Variants in PADI4 observed in about 807,000 individuals in gnomAD.
The protein encoded by PADI4 is peptidyl arginine deiminase 4.
A neutral mutation model predicts 75.0 loss-of-function variants in PADI4; 62 were observed. That is an observed-to-expected ratio of 0.83 (90% CI 0.67 to 1.02). The LOEUF is 1.02. Among genes scored for constraint, PADI4 ranks in the 50% least tolerant of loss-of-function variants. PADI4 has a pLI of 0.00. For missense variants in PADI4, 845 were observed against 850.5 expected (o/e 0.99, Z 0.08); for synonymous variants, 361 against 348.1 (o/e 1.04, Z -0.41).
chr1:17,348,236 G>A (rs2100209716), intron 10 of PADI4, 188 bp downstream of exon 10: 1 of 485,280 alleles, frequency 2.1e-6, no homozygotes, highest in South Asian at 3.3e-5. Flanking sequence ...ATAAGATCTG[G>A]CTCTTCATTT....
intron 10 of PADI4, among the ~76,000 whole-genome samples, chr1:17,349,795 A>G (rs1412109000): frequency 7.9e-6 from 1 of 127,044 alleles, no homozygotes; most frequent in African/African-American, 2.5e-5. Context: ...AGTCACACTC[A>G]GCACCAGGCT....
intron 4 of PADI4, among the ~76,000 whole-genome samples, chr1:17,337,194 C>A (rs1184674328): frequency 6.6e-6 from 1 of 152,074 alleles, no homozygotes; most frequent in Admixed American, 6.6e-5. Flanking sequence ...TGCTCTGTCT[C>A]CCAGGCTGGA....
intron 3 of PADI4, 134 bp downstream of exon 3, chr1:17,334,143 C>A (rs780898358): frequency 2.6e-5 from 17 of 647,390 alleles, no homozygotes; most frequent in Non-Finnish European, 4.8e-5. Context: ...TGGTTTCTAG[C>A]CAGTCAGACA....
chr1:17,355,440 T>A (rs2074743526), intron 11 of PADI4, among the ~76,000 whole-genome samples: 1 of 151,820 alleles, frequency 6.6e-6, no homozygotes, highest in African/African-American at 2.4e-5. Flanking sequence ...TCCCAGCTAC[T>A]CGGGAGGCCG....
chr1:17,326,930 T>G (rs1202942919), intron 1 of PADI4, among the ~76,000 whole-genome samples: 1 of 135,636 alleles, frequency 7.4e-6, no homozygotes, highest in Admixed American at 8.1e-5. Context: ...TGAGACACAG[T>G]CTCACCCTCT....
chr1:17,333,619 G>A (rs112045367), intron 2 of PADI4, among the ~76,000 whole-genome samples: 9 of 151,568 alleles, frequency 5.9e-5, no homozygotes, highest in South Asian at 4.2e-4. Context: ...TCTCTCTAGC[G>A]CCTCTTCTGC....
At chr1:17,347,728 A>C (rs886329208) in intron 9 of PADI4, among the ~76,000 whole-genome samples, 18 of 151,972 alleles carry the variant, frequency 1.2e-4, no homozygotes, top group Non-Finnish European at 1.8e-4. Context: ...AGGGAAGGGC[A>C]CTCCTGCAGG....
chr1:17,310,582 G>A (rs2073805002), intron 1 of PADI4, among the ~76,000 whole-genome samples: 1 of 152,020 alleles, frequency 6.6e-6, no homozygotes, highest in Admixed American at 6.6e-5. Flanking sequence ...CCAAGATTGG[G>A]CTAGTGCACT....
At chr1:17,358,108 C>T (rs932624649) in intron 13 of PADI4, among the ~76,000 whole-genome samples, 3 of 151,164 alleles carry the variant, frequency 2.0e-5, no homozygotes, top group Non-Finnish European at 2.9e-5. Flanking sequence ...ATTAGCTGGG[C>T]GCAGTGGTGC....
At chr1:17,342,270 C>CGGGG in intron 7 of PADI4, 29 bp from the exon 8 acceptor site, 3 of 1,458,148 alleles carry the variant, frequency 2.1e-6, no homozygotes, top group Non-Finnish European at 2.9e-6. Flanking sequence ...GGTGACAGCC[C>CGGGG]CTCCTTCCCC....
intron 2 of PADI4, among the ~76,000 whole-genome samples, chr1:17,332,822 C>A (rs1356738700): frequency 6.6e-6 from 1 of 151,918 alleles, no homozygotes; most frequent in Non-Finnish European, 1.5e-5. Flanking sequence ...AGGGGGTGGT[C>A]GGGGAAGGCT....
chr1:17,342,213 G>T, intron 7 of PADI4, 86 bp from the exon 8 acceptor site: 1 of 1,453,656 alleles, frequency 6.9e-7, no homozygotes, highest in Admixed American at 1.7e-5. Context: ...CTGGGCAGGG[G>T]GACTCCAAAC....
Position 17,350,852 on chromosome 1 carries a change from A to G in PADI4, c.1155+2804A>G, listed in dbSNP as rs555979239. Among the ~76,000 whole-genome samples the G allele has an allele frequency of 1.5e-5, 2 of 129,334 alleles. 1 individual carries two copies. The highest frequency in any genetic ancestry group is 6.7e-4 in the East Asian group (2 of 2,998). 84.8% of individuals were successfully genotyped at this position (129,334 alleles called of 152,430 possible). A position where few individuals can be genotyped will look rare whatever the true frequency, so the allele number is the denominator to read the frequency against. ...CAGAGAGACAGACAGCAGACAATGA[A>G]TAGAACAAAGCAGTTATATGGTTCC... On this transcript the variant is annotated intron_variant, in intron 10 of 15. Coordinates refer to ENST00000375448, the MANE Select transcript of PADI4 (RefSeq NM_012387.3).
rs767874197 is a variant in PADI4, at chr1:17,356,466, C to T, written c.1558+7C>T. The T allele has an allele frequency of 6.3e-5, 98 of 1,550,968 alleles. No homozygotes were observed. Among genetic ancestry groups the T allele is most frequent in the South Asian group, 2.1e-4 (19 of 89,418 alleles). On this transcript the variant is annotated splice_region_variant and intron_variant, in intron 13 of 15. Transcript: ENST00000375448. This position sits in a 1 kb window ranked among gnomAD's most constrained non-coding sequence, Gnocchi z 4.1. ...CTGTTCGAAGGGATCAAGAGTAAGT[C>T]GGCCCTGCCTTGTTCTCCTGTCTGT...
chr1:17,363,577 T>C lies in PADI4; in HGVS notation c.1814T>C (p.Val605Ala). Residue 605 changes from valine (V) to alanine (A), a missense_variant, in exon 16 of 16, where the codon GTC becomes GCC. By Grantham distance (64) the Val-to-Ala change is moderately conservative. Transcript: ENST00000375448. The stretch of plus-strand genomic sequence containing the variant: ...GGCATCCCCAAGCCCTTCGGGCCCG[T>C]CATCAACGGCCGCTGCTGCCTGGAG... The part of the protein sequence containing the change: ...HLGIPKPFGP[V>A]INGRCCLEEK... 1.2e-6 allele frequency: 2 copies of C among 1,614,066 alleles called. No homozygotes were observed. The highest frequency in any genetic ancestry group is 1.7e-6 in the Non-Finnish European group (2 of 1,179,974).
rs533388115 is a variant in PADI4, at chr1:17,323,965, A to C, written c.93-7004A>C. ...AGGGATTGTCCACTGTGAATCCACT[A>C]TAATTTATTAGCTATTCTTTTGTGG... On this transcript the variant is annotated intron_variant, in intron 1 of 15. Coordinates refer to ENST00000375448, the MANE Select transcript of PADI4 (RefSeq NM_012387.3). Among the ~76,000 whole-genome samples the C allele has an allele frequency of 5.6e-4, 86 of 152,266 alleles. 1 individual carries two copies. Among genetic ancestry groups the C allele is most frequent in the African/African-American group, 2.0e-3 (85 of 41,566 alleles).
At chr1:17,357,930 C>CAA (rs774236922) in intron 13 of PADI4, among the ~76,000 whole-genome samples, 2 of 35,174 alleles carry the variant, frequency 5.7e-5, no homozygotes, top group African/African-American at 3.2e-4. Context: ...GACTCAGTCT[C>CAA]AAAAAAAAAA....
intron 6 of PADI4, among the ~76,000 whole-genome samples, chr1:17,340,429 G>A (rs1161380364): frequency 6.6e-6 from 1 of 152,134 alleles, no homozygotes; most frequent in Non-Finnish European, 1.5e-5. Flanking sequence ...GGTGGCCAGG[G>A]AAGGTGTCCC....
At chr1:17,355,677 CT>C (rs2074747690) in intron 11 of PADI4, among the ~76,000 whole-genome samples, 2 of 152,306 alleles carry the variant, frequency 1.3e-5, no homozygotes, top group Admixed American at 1.3e-4. Context: ...TTAGGTCAGA[CT>C]GGCTCTAAGC....
Sources: allele counts gnomAD v4.1 joint callset (sites outside exome capture counted in the v4.1 genomes callset), GRCh38; gene constraint gnomAD v4.1.1; non-coding constraint Gnocchi (gnomAD v3.1); transcripts MANE v1.5; gene names NCBI Gene and HGNC (gene_info 2026-07-23, HGNC 2026-07-21).